Variants in HIVEP2 observed in about 807,000 individuals in gnomAD.
HIVEP2 encodes the protein HIVEP zinc finger 2, also known as transcription factor HIVEP2.
A neutral mutation model predicts 180.7 loss-of-function variants in HIVEP2; 14 were observed. The ratio of observed to expected loss-of-function variants is 0.08; its 90% CI spans 0.05 to 0.12. The LOEUF (loss-of-function observed/expected upper bound fraction) is 0.12. Ranked by LOEUF, HIVEP2 falls within the 10% of genes least tolerant of loss-of-function variation. The probability of loss-of-function intolerance (pLI) is 1.00; values close to 1 mark genes in which losing one functional copy is unlikely to be tolerated. For missense variants in HIVEP2, 2,579 were observed against 3,008.5 expected (o/e 0.86, Z 3.34); for synonymous variants, 1,184 against 1,136.4 (o/e 1.04, Z -0.84).
At chr6:142,762,491 C>T (rs1342516039) in intron 7 of HIVEP2, among the ~76,000 whole-genome samples, 3 of 85,196 alleles carry the variant, frequency 3.5e-5, no homozygotes, top group African/African-American at 9.4e-5. Context: ...CACACACACA[C>T]ACATACATAT....
intron 3 of HIVEP2, among the ~76,000 whole-genome samples, chr6:142,781,857 G>A (rs1775870149): frequency 6.6e-6 from 1 of 152,126 alleles, no homozygotes; most frequent in South Asian, 2.1e-4. Flanking sequence ...GGCTGGGTGG[G>A]ATTGGCAGGA....
intron 2 of HIVEP2, among the ~76,000 whole-genome samples, chr6:142,824,749 C>T (rs1179161830): frequency 6.6e-6 from 1 of 152,212 alleles, no homozygotes; most frequent in Non-Finnish European, 1.5e-5. Context: ...AATTGACCAA[C>T]TTGGAAATCT....
intron 1 of HIVEP2, among the ~76,000 whole-genome samples, chr6:142,898,489 C>A (rs1777054291): frequency 6.6e-6 from 1 of 151,962 alleles, no homozygotes; most frequent in Non-Finnish European, 1.5e-5. Context: ...TGGCAAAACC[C>A]CATCTCTACT....
Position 142,876,421 on chromosome 6 carries a change from AAG to A in HIVEP2, c.-640-39376_-640-39375del, listed in dbSNP as rs531349001. The stretch of plus-strand genomic sequence containing the variant: ...TTTGAGCAGGAAAGAGGGGTGCTAA[AAG>A]AGAGTTATTGTAAAATTAATCTGAT... On this transcript the variant is annotated intron_variant, in intron 1 of 9. Coordinates refer to ENST00000367603, the MANE Select transcript of HIVEP2 (RefSeq NM_006734.4). Among the ~76,000 whole-genome samples, 832 of 152,204 alleles carry A rather than the reference AAG, an allele frequency of 5.5e-3. 8 individuals carry two copies. Among genetic ancestry groups the A allele is most frequent in the Middle Eastern group, 0.017 (5 of 294 alleles).
At chr6:142,933,810 G>C (rs532440602) in intron 1 of HIVEP2, among the ~76,000 whole-genome samples, 3 of 152,252 alleles carry the variant, frequency 2.0e-5, no homozygotes, top group Non-Finnish European at 4.4e-5. Flanking sequence ...TCAGCCACTT[G>C]ACCCATTTTA....
chr6:142,913,241 T>C (rs1001331712), intron 1 of HIVEP2, among the ~76,000 whole-genome samples: 1 of 152,242 alleles, frequency 6.6e-6, no homozygotes, highest in Non-Finnish European at 1.5e-5. Context: ...CTTGGGATGC[T>C]AATGAGAACT....
chr6:142,880,033 G>A (rs1417041414), intron 1 of HIVEP2, among the ~76,000 whole-genome samples: 1 of 152,000 alleles, frequency 6.6e-6, no homozygotes, highest in African/African-American at 2.4e-5. Context: ...TTGATAATTT[G>A]GAAACTCTAT....
chr6:142,917,591 A>C (rs1777587449), intron 1 of HIVEP2, among the ~76,000 whole-genome samples: 2 of 152,240 alleles, frequency 1.3e-5, no homozygotes, highest in Admixed American at 1.3e-4. Flanking sequence ...TAAGAATCTT[A>C]TAAACAACTT....
chr6:142,760,930 C>T (rs768968388), intron 8 of HIVEP2, among the ~76,000 whole-genome samples: 5 of 152,150 alleles, frequency 3.3e-5, no homozygotes, highest in Non-Finnish European at 7.4e-5. Flanking sequence ...ATCCCACTCA[C>T]AGAAAACCCT....
rs1774969321 is a variant in HIVEP2, at chr6:142,753,314, A to T, written c.7134T>A (p.Gly2378=). ...SIRHFSRPEP[G]QPCTSATHPD... ...GGTGGGTGGCTGAGGTACAGGGCTG[A>T]CCTGGCTCAGGTCTACTAAAGTGTC... Residue 2378 remains glycine (G), a synonymous_variant, in exon 10 of 10, where the codon GGT becomes GGA. Coordinates refer to ENST00000367603, the MANE Select transcript of HIVEP2 (RefSeq NM_006734.4). The T allele has an allele frequency of 1.9e-6, 3 of 1,614,154 alleles. No homozygotes were observed. The highest frequency in any genetic ancestry group is 2.7e-5 in the African/African-American group (2 of 75,052).
intron 1 of HIVEP2, among the ~76,000 whole-genome samples, chr6:142,907,901 T>G (rs1167426569): frequency 6.6e-6 from 1 of 152,230 alleles, no homozygotes; most frequent in Non-Finnish European, 1.5e-5. Context: ...CCCATGTATT[T>G]CTAACTAATC....
At chr6:142,762,467 C>CAG (rs1359969338) in intron 7 of HIVEP2, among the ~76,000 whole-genome samples, 1 of 45,114 alleles carries the variant, frequency 2.2e-5, no homozygotes, top group Non-Finnish European at 4.4e-5. Flanking sequence ...CACACACACA[C>CAG]ACACACACAC....
intron 2 of HIVEP2, 29 bp from the exon 3 acceptor site, chr6:142,783,644 A>T (rs780318861): frequency 1.4e-4 from 21 of 152,206 alleles, no homozygotes; most frequent in Non-Finnish European, 3.1e-4. Flanking sequence ...GATTTAAAAG[A>T]TGATGACATC....
chr6:142,754,044 C>A (rs1775000221), intron 9 of HIVEP2, 113 bp from the exon 10 acceptor site: 2 of 580,070 alleles, frequency 3.4e-6, no homozygotes, highest in Admixed American at 6.1e-5. Flanking sequence ...CCTAGAGAGG[C>A]TTCAATACCT....
At chr6:142,865,192 G>A (rs552032843) in intron 1 of HIVEP2, among the ~76,000 whole-genome samples, 29 of 152,144 alleles carry the variant, frequency 1.9e-4, no homozygotes, top group South Asian at 1.7e-3. Context: ...CCAATATGCT[G>A]CCATTTTTAT....
At chr6:142,829,521 A>G (rs1775017505) in intron 2 of HIVEP2, among the ~76,000 whole-genome samples, 1 of 152,216 alleles carries the variant, frequency 6.6e-6, no homozygotes. Flanking sequence ...GGACCCTAGT[A>G]CAAGTTTTCT....
intron 1 of HIVEP2, among the ~76,000 whole-genome samples, chr6:142,901,802 C>T (rs187239844): frequency 4.9e-4 from 75 of 152,204 alleles, no homozygotes; most frequent in Admixed American, 1.4e-3. Flanking sequence ...AACTTGACTA[C>T]GAAAATGACC....
chr6:142,786,291 T>C (rs1177275729), intron 2 of HIVEP2, among the ~76,000 whole-genome samples: 1 of 152,204 alleles, frequency 6.6e-6, no homozygotes, highest in African/African-American at 2.4e-5. Context: ...GCTTTTAGGT[T>C]ATTAGCTTCA....
At chr6:142,802,033 G>C (rs1358799587) in intron 2 of HIVEP2, among the ~76,000 whole-genome samples, 1 of 152,144 alleles carries the variant, frequency 6.6e-6, no homozygotes, top group African/African-American at 2.4e-5. Flanking sequence ...GATTCTGTCT[G>C]TATTTGTTAA....
Sources: gnomAD v4.1 joint callset for allele counts (sites outside exome capture counted in the v4.1 genomes callset) on GRCh38, gnomAD v4.1.1 for gene constraint, MANE v1.5 for transcripts, NCBI Gene and HGNC (gene_info 2026-07-23, HGNC 2026-07-21) for gene names.